Variants in TYW1B observed in about 807,000 individuals in gnomAD.
The protein encoded by TYW1B is tRNA-yW synthesizing protein 1 homolog B, also known as S-adenosyl-L-methionine-dependent tRNA 4-demethylwyosine synthase TYW1B.
TYW1B carries 73 observed loss-of-function variants against 86.9 expected under a neutral mutation model. The observed-to-expected ratio is 0.84, with a 90% CI of 0.70 to 1.02. The LOEUF is 1.02. Ranked by LOEUF, TYW1B falls within the 50% of genes least tolerant of loss-of-function variation. TYW1B has a pLI of 0.00. For missense variants in TYW1B, 637 were observed against 827.4 expected (o/e 0.77, Z 2.82); for synonymous variants, 248 against 292.8 (o/e 0.85, Z 1.56).
intron 12 of TYW1B, among the ~76,000 whole-genome samples, chr7:72,618,159 C>T (rs1812123075): frequency 6.6e-6 from 1 of 150,838 alleles, no homozygotes; most frequent in Non-Finnish European, 1.5e-5. Context: ...CACAAACACA[C>T]ACAAATACAT....
At chr7:72,744,245 C>T (rs1289980692) in intron 8 of TYW1B, among the ~76,000 whole-genome samples, 4 of 152,080 alleles carry the variant, frequency 2.6e-5, no homozygotes, top group Non-Finnish European at 5.9e-5. Context: ...ACTAAACTCA[C>T]CAGTTAAAAA....
At chr7:72,788,882 G>A (rs1251071348) in intron 6 of TYW1B, among the ~76,000 whole-genome samples, 2 of 151,952 alleles carry the variant, frequency 1.3e-5, no homozygotes, top group Non-Finnish European at 2.9e-5. Context: ...CCAGGCTGGA[G>A]TGCAGTGCTG....
intron 11 of TYW1B, among the ~76,000 whole-genome samples, chr7:72,666,184 T>C (rs1377319500): frequency 2.4e-4 from 37 of 152,008 alleles, no homozygotes; most frequent in Admixed American, 1.2e-3. Context: ...GAGGTCCAGG[T>C]GGGCAGATTG....
At chr7:72,755,557 T>C (rs1563083164) in intron 7 of TYW1B, among the ~76,000 whole-genome samples, 1 of 152,148 alleles carries the variant, frequency 6.6e-6, no homozygotes, top group East Asian at 1.9e-4. Flanking sequence ...ATGCCTATAA[T>C]CGCAGCTACT....
At chr7:72,723,239 T>C (rs1554457971) in intron 9 of TYW1B, 8 of 350,046 alleles carry the variant, frequency 2.3e-5, no homozygotes, top group East Asian at 4.4e-5. Flanking sequence ...GTCCCTGGGG[T>C]TATTTGTTAA....
intron 11 of TYW1B, among the ~76,000 whole-genome samples, chr7:72,681,081 G>C (rs1813862497): frequency 6.6e-6 from 1 of 152,168 alleles, no homozygotes; most frequent in Non-Finnish European, 1.5e-5. Context: ...GGTGAGAAAA[G>C]TGAGTCCCTT....
intron 11 of TYW1B, among the ~76,000 whole-genome samples, chr7:72,669,793 A>G (rs1343778718): frequency 1.3e-5 from 2 of 151,810 alleles, no homozygotes; most frequent in African/African-American, 4.8e-5. Context: ...TAATAAATAA[A>G]TAACAATAAT....
chr7:72,818,795 T>C (rs1554479906), intron 2 of TYW1B, among the ~76,000 whole-genome samples: 1 of 150,422 alleles, frequency 6.6e-6, no homozygotes, highest in Admixed American at 6.6e-5. Flanking sequence ...AAGGAGGAGG[T>C]GCCACACACT....
chr7:72,707,817 A>G (rs1211504056), intron 10 of TYW1B, among the ~76,000 whole-genome samples: 2 of 152,196 alleles, frequency 1.3e-5, no homozygotes, highest in East Asian at 1.9e-4. Context: ...GTAATGCTCA[A>G]TGTTGGAGGA....
intron 11 of TYW1B, among the ~76,000 whole-genome samples, chr7:72,675,802 A>G (rs1257058040): frequency 6.6e-6 from 1 of 152,102 alleles, no homozygotes; most frequent in Admixed American, 6.6e-5. Context: ...GATTATTCAG[A>G]TCAGATGAAA....
chr7:72,811,883 C>T (rs1788626682), intron 3 of TYW1B, among the ~76,000 whole-genome samples: 1 of 143,576 alleles, frequency 7.0e-6, no homozygotes, highest in South Asian at 2.2e-4. Flanking sequence ...CTGCACACTG[C>T]ACTCCAGCCT....
intron 7 of TYW1B, among the ~76,000 whole-genome samples, chr7:72,770,602 C>T (rs1281466929): frequency 6.6e-6 from 1 of 152,004 alleles, no homozygotes; most frequent in Non-Finnish European, 1.5e-5. Flanking sequence ...ACACTGACAA[C>T]AGTTTGGGAG....
chr7:72,589,595 G>A (rs1477402133), intron 13 of TYW1B, among the ~76,000 whole-genome samples: 12 of 152,228 alleles, frequency 7.9e-5, no homozygotes, highest in Admixed American at 2.6e-4. Context: ...AACAAGTATC[G>A]GCCGGGCATG....
intron 8 of TYW1B, among the ~76,000 whole-genome samples, chr7:72,737,647 T>C (rs1435279198): frequency 1.3e-5 from 2 of 152,162 alleles, no homozygotes; most frequent in African/African-American, 4.8e-5. Flanking sequence ...AACCTCAGTA[T>C]GATGTGATCC....
chr7:72,618,442 C>T (rs1197358300), intron 12 of TYW1B, among the ~76,000 whole-genome samples: 3 of 151,806 alleles, frequency 2.0e-5, no homozygotes, highest in Non-Finnish European at 4.4e-5. Flanking sequence ...GTCTTGAACT[C>T]CTGACCTCAA....
At chr7:72,579,777 C>T (rs1437014222) in intron 13 of TYW1B, among the ~76,000 whole-genome samples, 8 of 152,128 alleles carry the variant, frequency 5.3e-5, no homozygotes, top group South Asian at 2.1e-4. Context: ...CAGCCTCCTG[C>T]GTAGCTGAGA....
At position 72,800,246 on chromosome 7, in the gene TYW1B, G is replaced by C. The variant is rs186930371; in HGVS notation, c.846+2154C>G. On this transcript the variant is annotated intron_variant, in intron 6 of 13. Transcript: ENST00000620995. ...AAGGTCTCCCAATGTCATGCAGGCC[G>C]GGGTGCCGTGACATGATCACAGCTC... Among the ~76,000 whole-genome samples the C allele has an allele frequency of 2.1e-3, 322 of 151,072 alleles. 4 individuals carry two copies. Among genetic ancestry groups the C allele is most frequent in the Admixed American group, 0.02 (298 of 15,128 alleles).
chr7:72,667,018 C>T lies in TYW1B; in HGVS notation c.1506+27669G>A, dbSNP rs551007462. Among the ~76,000 whole-genome samples, 544 of 108,080 alleles carry T rather than the reference C, an allele frequency of 5.0e-3. 2 individuals are homozygous for T. The highest frequency in any genetic ancestry group is 6.9e-3 in the Non-Finnish European group (388 of 56,358). 70.9% of individuals were successfully genotyped at this position (108,080 alleles called of 152,430 possible). On this transcript the variant is annotated intron_variant, in intron 11 of 13. Transcript: ENST00000620995. The stretch of plus-strand genomic sequence containing the variant: ...CTGCACTCCAGACTGGGAGAGAGAG[C>T]GAGACTCCGTCTCAAAAAAAAAAAA...
chr7:72,663,206 C>T (rs1390722250), intron 11 of TYW1B, among the ~76,000 whole-genome samples: 2 of 151,552 alleles, frequency 1.3e-5, no homozygotes, highest in African/African-American at 2.4e-5. Context: ...GGGGGGTTGG[C>T]GGCACGATGA....
Sources: gnomAD v4.1 joint callset for allele counts (sites outside exome capture counted in the v4.1 genomes callset) on GRCh38, gnomAD v4.1.1 for gene constraint, MANE v1.5 for transcripts, NCBI Gene and HGNC (gene_info 2026-07-23, HGNC 2026-07-21) for gene names.